Variants in PMM2 observed in about 807,000 individuals in gnomAD.
PMM2 encodes the protein mannose-6-phosphate isomerase.
A neutral mutation model predicts 33.2 loss-of-function variants in PMM2; 35 were observed. The ratio of observed to expected loss-of-function variants is 1.06; its 90% CI spans 0.81 to 1.40. The LOEUF is 1.40. Ranked by LOEUF, PMM2 falls within the 40% of genes most tolerant of loss-of-function variation. The pLI is 0.00. For missense variants in PMM2, 386 were observed against 306.0 expected (o/e 1.26, Z -1.95); for synonymous variants, 153 against 114.7 (o/e 1.33, Z -2.13).
intron 7 of PMM2, chr16:8,832,565 C>T: frequency 1.0e-6 from 1 of 985,420 alleles, no homozygotes; most frequent in Non-Finnish European, 1.2e-6. Flanking sequence ...CTAGCATAAA[C>T]CCTTTTTGCT....
intron 7 of PMM2, among the ~76,000 whole-genome samples, chr16:8,843,077 G>A (rs2060900979): frequency 6.6e-6 from 1 of 152,108 alleles, no homozygotes; most frequent in Admixed American, 6.5e-5. Context: ...TAAGGGAACT[G>A]GGCAGGTGGG....
At chr16:8,829,600 T>C (rs527553302) in intron 7 of PMM2, among the ~76,000 whole-genome samples, 1 of 152,316 alleles carries the variant, frequency 6.6e-6, no homozygotes, top group Non-Finnish European at 1.5e-5. Context: ...TTGGTCTCTG[T>C]CATCTTTGAT....
At chr16:8,839,043 G>C (rs2060872064) in intron 7 of PMM2, among the ~76,000 whole-genome samples, 1 of 151,936 alleles carries the variant, frequency 6.6e-6, no homozygotes, top group Admixed American at 6.6e-5. Flanking sequence ...CATTAGACAG[G>C]CTACGGAAGG....
intron 6 of PMM2, 62 bp downstream of exon 6, chr16:8,811,775 C>T (rs763561892): frequency 2.2e-5 from 24 of 1,088,340 alleles, no homozygotes; most frequent in Non-Finnish European, 3.1e-5. Flanking sequence ...TTGTTGTGGG[C>T]CAGTGAGCTA....
chr16:8,836,137 GC>G (rs781499924), intron 7 of PMM2, among the ~76,000 whole-genome samples: 18 of 149,074 alleles, frequency 1.2e-4, no homozygotes, highest in Non-Finnish European at 2.1e-4. Flanking sequence ...AGGGAAACAG[GC>G]CCTTGAAAAG....
At chr16:8,802,735 C>G (rs1263615419) in intron 2 of PMM2, among the ~76,000 whole-genome samples, 1 of 151,578 alleles carries the variant, frequency 6.6e-6, no homozygotes, top group African/African-American at 2.4e-5. Context: ...GAGGCCGAGG[C>G]AGGAGAATTG....
At chr16:8,811,531 C>T in intron 5 of PMM2, 107 bp from the exon 6 acceptor site, 1 of 801,004 alleles carries the variant, frequency 1.2e-6, no homozygotes, top group South Asian at 1.4e-5. Context: ...AAAAACTAAA[C>T]AAATAAATAA....
At chr16:8,843,737 C>T (rs1288918719) in intron 7 of PMM2, among the ~76,000 whole-genome samples, 1 of 152,108 alleles carries the variant, frequency 6.6e-6, no homozygotes, top group South Asian at 2.1e-4. Flanking sequence ...GGGCCAGATT[C>T]TAATTTTTGG....
chr16:8,839,787 A>G (rs1053198060), intron 7 of PMM2, among the ~76,000 whole-genome samples: 4 of 152,004 alleles, frequency 2.6e-5, no homozygotes, highest in African/African-American at 4.8e-5. Flanking sequence ...ACCTAGGGGA[A>G]TTCCAGTGGG....
At chr16:8,821,349 C>G (rs952044197) in intron 7 of PMM2, among the ~76,000 whole-genome samples, 1 of 152,148 alleles carries the variant, frequency 6.6e-6, no homozygotes, top group African/African-American at 2.4e-5. Context: ...TTCAGATGTT[C>G]CTGCTAGCCC....
chr16:8,811,768 T>C (rs1247099461), intron 6 of PMM2, 55 bp downstream of exon 6: 7 of 1,201,692 alleles, frequency 5.8e-6, no homozygotes, highest in South Asian at 3.6e-5. Flanking sequence ...CCAGAGTTTG[T>C]TGTGGGCCAG....
intron 7 of PMM2, chr16:8,842,244 A>G (rs28861238): frequency 0.28 from 42,326 of 152,252 alleles, 6,020 homozygotes; most frequent in South Asian, 0.34. Context: ...GTAACAGATG[A>G]GGATGAAATT....
chr16:8,839,944 TG>T (rs1435571529), intron 7 of PMM2, among the ~76,000 whole-genome samples: 1 of 147,912 alleles, frequency 6.8e-6, no homozygotes, highest in African/African-American at 2.5e-5. Context: ...GTGAAATGTC[TG>T]GGGAAGTCTT....
intron 7 of PMM2, among the ~76,000 whole-genome samples, chr16:8,834,675 G>T (rs566115906): frequency 6.6e-6 from 1 of 151,930 alleles, no homozygotes; most frequent in Non-Finnish European, 1.5e-5. Flanking sequence ...AGATTTCCAC[G>T]ATGGAAAGGA....
chr16:8,797,899 C>T lies in PMM2; in HGVS notation c.17C>T (p.Pro6Leu), dbSNP rs1228679004. 1.2e-6 allele frequency: 2 copies of T among 1,611,520 alleles called. No individual in the cohort carries two copies. Among genetic ancestry groups the T allele is most frequent in the Non-Finnish European group, 8.5e-7 (1 of 1,179,258 alleles). The change falls in exon 1 of 8, where the codon CCA (proline) becomes CTA (leucine). Residue 6 changes from proline to leucine, a missense_variant. By Grantham distance (98) the Pro-to-Leu change is moderately conservative (BLOSUM62 -3). Coordinates refer to ENST00000268261, the MANE Select transcript of PMM2 (RefSeq NM_000303.3). MAAPG[P>L]ALCLFDVDGT... is the part of the protein sequence containing the mutation. ...ACTGGGGACATGGCAGCGCCTGGCC[C>T]AGCGCTCTGCCTCTTCGACGTGGAT...
chr16:8,826,934 A>T (rs191536236), intron 7 of PMM2, among the ~76,000 whole-genome samples: 208 of 152,272 alleles, frequency 1.4e-3, no homozygotes, highest in African/African-American at 4.6e-3. Context: ...AATTTACCAT[A>T]CAAGATCTTT....
At chr16:8,847,667 A>C in intron 7 of PMM2, 57 bp from the exon 8 acceptor site, 2 of 1,317,154 alleles carry the variant, frequency 1.5e-6, no homozygotes, top group Non-Finnish European at 2.2e-6. Context: ...GGGTCACATC[A>C]GCAATGGCCC....
Position 8,836,597 on chromosome 16 carries a change from C to A in PMM2, c.640-11127C>A, listed in dbSNP as rs576127500. On this transcript the variant is annotated intron_variant, in intron 7 of 7. Coordinates refer to ENST00000268261, the MANE Select transcript of PMM2 (RefSeq NM_000303.3). ...TCTCACAGTGGAGGCAAGGAATTGCCACTTTTTTCTATTACTGTCCACCTT... is the reference window on the plus strand; with the variant it reads ...TCTCACAGTGGAGGCAAGGAATTGCAACTTTTTTCTATTACTGTCCACCTT... Among the ~76,000 whole-genome samples, 16 of 152,034 alleles carry A rather than the reference C, an allele frequency of 1.1e-4. No homozygotes were observed. The East Asian group carries it at 2.5e-3, about 24-fold the overall frequency.
chr16:8,801,769 G>T, intron 1 of PMM2, 30 bp from the exon 2 acceptor site: 1 of 1,328,796 alleles, frequency 7.5e-7, no homozygotes, highest in South Asian at 1.2e-5. Flanking sequence ...TGTGGCTTAT[G>T]ACTGTTGTAT....
Sources: allele counts gnomAD v4.1 joint callset (sites outside exome capture counted in the v4.1 genomes callset), GRCh38; gene constraint gnomAD v4.1.1; transcripts MANE v1.5; gene names NCBI Gene and HGNC (gene_info 2026-07-23, HGNC 2026-07-21).